The following MICAL3 variants were observed in gnomAD, a reference collection of about 807,000 sequenced individuals.
MICAL3 encodes microtubule associated monooxygenase, calponin and LIM domain containing 3, also known as [F-actin]-monooxygenase MICAL3.
In MICAL3, 62 loss-of-function variants were observed where a neutral mutation model predicts 207.4. The observed-to-expected ratio is 0.30, with a 90% confidence interval of 0.24 to 0.37. The LOEUF is 0.37. Ranked by LOEUF, MICAL3 falls within the 10% of genes least tolerant of loss-of-function variation. The probability of loss-of-function intolerance (pLI) is 1.00; values close to 1 mark genes in which losing one functional copy is unlikely to be tolerated. For synonymous variants in MICAL3, 1,077 were observed against 1,069.3 expected (o/e 1.01, Z -0.14); for missense variants, 2,368 against 2,635.6 (o/e 0.90, Z 2.22).
intron 1 of MICAL3, among the ~76,000 whole-genome samples, chr22:18,014,983 T>C (rs1301037713): frequency 7.3e-6 from 1 of 137,086 alleles, no homozygotes; most frequent in African/African-American, 2.6e-5. Flanking sequence ...TGAGACTCCA[T>C]CTCAAAAAAA....
chr22:17,834,605 A>G, intron 20 of MICAL3: 1 of 1,117,624 alleles, frequency 8.9e-7, no homozygotes, highest in Non-Finnish European at 1.1e-6. Context: ...CTTATTCTCA[A>G]GGGGAGGAAA....
intron 29 of MICAL3, among the ~76,000 whole-genome samples, chr22:17,797,027 A>C (rs931626668): frequency 1.3e-5 from 2 of 152,180 alleles, no homozygotes; most frequent in African/African-American, 2.4e-5. Context: ...TGCATCAAGA[A>C]GACACCCGGG....
intron 1 of MICAL3, among the ~76,000 whole-genome samples, chr22:18,006,806 G>A (rs1402771279): frequency 1.3e-5 from 2 of 152,218 alleles, no homozygotes; most frequent in South Asian, 2.1e-4. Flanking sequence ...GCACTCCAGC[G>A]TGGGCAACAA....
At chr22:17,850,559 C>G (rs1016159998) in intron 19 of MICAL3, among the ~76,000 whole-genome samples, 10 of 151,688 alleles carry the variant, frequency 6.6e-5, no homozygotes, top group African/African-American at 2.4e-4. Flanking sequence ...TTACAGGCGC[C>G]TGCCATCATG....
At position 17,980,118 on chromosome 22, in the gene MICAL3, C is replaced by T. The variant is rs117932801; in HGVS notation, c.-75+44163G>A. 2.7e-3 allele frequency among the ~76,000 whole-genome samples: 411 copies of T among 152,240 alleles called. 10 individuals are homozygous for T. The East Asian group carries it at 0.057, about 21-fold the overall frequency. On this transcript the variant is annotated intron_variant, in intron 1 of 31. Coordinates refer to ENST00000441493, the MANE Select transcript of MICAL3 (RefSeq NM_015241.3). ...TGCTAGGATTACAGGGGTGAACCAC[C>T]GCACCTGGCCCCCAGCAAGTCTTTC...
intron 1 of MICAL3, chr22:17,983,727 G>C (rs1158460558): frequency 1.3e-5 from 2 of 152,544 alleles, no homozygotes; most frequent in Non-Finnish European, 2.9e-5. Context: ...CCCTCCAGTG[G>C]ACACCATTCC....
At chr22:17,999,529 T>G (rs1403357811) in intron 1 of MICAL3, among the ~76,000 whole-genome samples, 1 of 152,204 alleles carries the variant, frequency 6.6e-6, no homozygotes, top group Non-Finnish European at 1.5e-5. Flanking sequence ...CTTTTATGTT[T>G]ATTGAACATC....
At chr22:18,022,992 G>C (rs954268093) in intron 1 of MICAL3, among the ~76,000 whole-genome samples, 1 of 152,168 alleles carries the variant, frequency 6.6e-6, no homozygotes, top group Admixed American at 6.5e-5. Flanking sequence ...TTCATCCTGA[G>C]CTTCTTGGAG....
At chr22:17,896,394 T>A (rs3213927) in intron 8 of MICAL3, 33 bp from the exon 9 acceptor site, 504,767 of 1,274,390 alleles carry the variant, frequency 0.4, 105,030 homozygotes, top group African/African-American at 0.73. Context: ...ATAATTAAAA[T>A]ATAACACACC....
chr22:17,863,688 C>G (rs1200949388), intron 19 of MICAL3: 2 of 985,350 alleles, frequency 2.0e-6, no homozygotes, highest in African/African-American at 1.7e-5. Context: ...GCTCCCAGGG[C>G]ACACCGCCTA....
intron 19 of MICAL3, chr22:17,842,395 G>A (rs1040140451): frequency 3.8e-5 from 8 of 211,620 alleles, no homozygotes; most frequent in African/African-American, 1.6e-4. Flanking sequence ...GGGCATCCCC[G>A]GTGCAGTCTG....
chr22:18,018,558 C>T (rs1924221648), intron 1 of MICAL3, among the ~76,000 whole-genome samples: 1 of 151,604 alleles, frequency 6.6e-6, no homozygotes, highest in Admixed American at 6.6e-5. Flanking sequence ...CCCATGTCTA[C>T]TAAAAATACA....
intron 15 of MICAL3, 104 bp downstream of exon 15, chr22:17,887,066 A>T (rs542376936): frequency 1.7e-6 from 1 of 603,162 alleles, no homozygotes; most frequent in Non-Finnish European, 2.9e-6. Flanking sequence ...CTCATAAAGG[A>T]TGAATATGAA....
intron 1 of MICAL3, among the ~76,000 whole-genome samples, chr22:17,918,435 G>A (rs1424537598): frequency 6.6e-6 from 1 of 152,138 alleles, no homozygotes; most frequent in Non-Finnish European, 1.5e-5. Context: ...TCAGTGAGAA[G>A]AGTGACAGTT....
rs747330184 is a variant in MICAL3 at position 17,817,544 on chromosome 22, C to A, written c.5117G>T (p.Arg1706Leu). ...SKKRSSLFSP[R>L]RNKKEKKSKG... is the part of the protein sequence containing the mutation. ...GGACTTCTTCTCCTTCTTGTTTCTGCGGGGGGAGAAGAGTGACGACCTCTT... is the reference window on the plus strand; with the variant it reads ...GGACTTCTTCTCCTTCTTGTTTCTGAGGGGGGAGAAGAGTGACGACCTCTT... The change falls in exon 26 of 32, where the codon CGC (arginine) becomes CTC (leucine). Residue 1706 changes from arginine to leucine, a missense_variant. Transcript: ENST00000441493. The A allele has an allele frequency of 3.1e-6, 5 of 1,613,312 alleles. No individual in the cohort carries two copies. The South Asian group carries it at 4.4e-5, about 14-fold the overall frequency.
chr22:18,011,144 C>T (rs1418874448), intron 1 of MICAL3, among the ~76,000 whole-genome samples: 1 of 152,144 alleles, frequency 6.6e-6, no homozygotes, highest in Non-Finnish European at 1.5e-5. Context: ...CTGTATCACA[C>T]CACAATCATT....
chr22:17,817,270 C>CCTCCCGCACCT, intron 26 of MICAL3, 41 bp downstream of exon 26: 1 of 1,533,994 alleles, frequency 6.5e-7, no homozygotes, highest in Non-Finnish European at 8.8e-7. Flanking sequence ...CTCCCGCACC[C>CCTCCCGCACCT]CTCCCGCTCT....
chr22:17,942,563 G>C (rs1413933872), intron 1 of MICAL3, among the ~76,000 whole-genome samples: 1 of 152,244 alleles, frequency 6.6e-6, no homozygotes, highest in African/African-American at 2.4e-5. Flanking sequence ...CAGACGCTCA[G>C]AGACCTCACC....
At chr22:17,927,216 A>G (rs1309963112) in intron 1 of MICAL3, among the ~76,000 whole-genome samples, 6 of 152,204 alleles carry the variant, frequency 3.9e-5, no homozygotes, top group Admixed American at 2.6e-4. Context: ...TTCACTTAGT[A>G]TAAGGGCTTC....
Sources: gnomAD v4.1 joint callset for allele counts (sites outside exome capture counted in the v4.1 genomes callset) on GRCh38, gnomAD v4.1.1 for gene constraint, MANE v1.5 for transcripts, NCBI Gene and HGNC (gene_info 2026-07-23, HGNC 2026-07-21) for gene names.